STS: variants seen among roughly 807,000 people sequenced by gnomAD.
STS encodes steryl-sulfatase.
In STS, 7 loss-of-function variants were observed where a neutral mutation model predicts 26.8. The observed-to-expected ratio is 0.26, with a 90% CI of 0.15 to 0.49. STS has a LOEUF of 0.49. Ranked by LOEUF, STS falls within the 20% of genes least tolerant of loss-of-function variation. The pLI is 0.98. For synonymous variants in STS, 199 were observed against 189.4 expected (o/e 1.05, Z -0.42); for missense variants, 434 against 465.6 (o/e 0.93, Z 0.63).
At chrX:7,322,396 C>G (rs766561886) in intron 8 of STS, among the ~76,000 whole-genome samples, 34 of 111,734 alleles carry the variant, frequency 3.0e-4, no homozygotes, top group Non-Finnish European at 5.7e-4. Flanking sequence ...CAGATTCTCT[C>G]TCTCTCTCTC....
chrX:7,345,603 T>C (rs1238814752), intron 10 of STS, among the ~76,000 whole-genome samples: 1 of 111,257 alleles, frequency 9.0e-6, no homozygotes, highest in Non-Finnish European at 1.9e-5. Context: ...CTGTTAAGAA[T>C]CCTTCGTTAT....
At chrX:7,204,978 T>C (rs764137053) in intron 2 of STS, among the ~76,000 whole-genome samples, 7 of 111,476 alleles carry the variant, frequency 6.3e-5, no homozygotes, top group Non-Finnish European at 1.3e-4. Context: ...GTCATGATTG[T>C]TTTGCTGACC....
intron 7 of STS, among the ~76,000 whole-genome samples, chrX:7,296,773 G>C (rs1239384292): frequency 8.9e-6 from 1 of 112,277 alleles, no homozygotes; most frequent in African/African-American, 3.2e-5. Context: ...ATCCGTGAAG[G>C]CATCCCAGAT....
rs759887242 is a variant in STS at position 7,214,982 on chromosome X, A to G, written c.-5+23974A>G. On this transcript the variant is annotated intron_variant, in intron 2 of 10. Transcript: ENST00000674429. ...ATATATATTATATATGTATATATACATATATATACGTATATATACATATAT... is the reference window on the plus strand; with the variant it reads ...ATATATATTATATATGTATATATACGTATATATACGTATATATACATATAT... 1.3e-4 allele frequency among the ~76,000 whole-genome samples: 5 copies of G among 39,322 alleles called. No homozygotes were observed. The South Asian group carries it at 2.4e-3, about 19-fold the overall frequency. 34.1% of individuals were successfully genotyped at this position (39,322 alleles called of 115,157 possible).
intron 4 of STS, 40 bp downstream of exon 4, chrX:7,257,403 C>T (rs776067214): frequency 2.9e-5 from 35 of 1,210,652 alleles, no homozygotes; most frequent in East Asian, 2.7e-4. Context: ...TGGTCACCTT[C>T]GGGACAGTCT....
chrX:7,269,358 A>G (rs1447122044), intron 6 of STS, among the ~76,000 whole-genome samples: 1 of 103,441 alleles, frequency 9.7e-6, no homozygotes. Flanking sequence ...ACATTTCTGT[A>G]TCTCTGAATA....
chrX:7,275,896 A>G, intron 6 of STS, 55 bp from the exon 7 acceptor site: 1 of 1,139,328 alleles, frequency 8.8e-7, no homozygotes, highest in Non-Finnish European at 1.2e-6. Context: ...TGGCAGACAT[A>G]CTTAACATTA....
At chrX:7,198,637 A>G (rs941333503) in intron 2 of STS, among the ~76,000 whole-genome samples, 10 of 112,364 alleles carry the variant, frequency 8.9e-5, no homozygotes, top group African/African-American at 3.2e-4. Context: ...TCCTGTAGTT[A>G]GCTCAGTCTG....
At position 7,172,023 on chromosome X, in the gene STS, A is replaced by G. The variant is rs767533200; in HGVS notation, c.-133-18857A>G. Among the ~76,000 whole-genome samples the G allele has an allele frequency of 4.5e-5, 5 of 112,020 alleles. No individual in the cohort carries two copies. The South Asian group carries it at 1.9e-3, about 42-fold the overall frequency. On this transcript the variant is annotated intron_variant, in intron 1 of 10. Coordinates refer to ENST00000674429, the MANE Select transcript of STS (RefSeq NM_001320752.2). ...GATCATCACCATAAATGAGTTTGGG[A>G]ATATTCTCATCACCCAAGTGAGATT... is the stretch of plus-strand genomic sequence containing the variant.
At chrX:7,231,834 C>CTTTTTTT (rs35306364) in intron 2 of STS, among the ~76,000 whole-genome samples, 2 of 87,123 alleles carry the variant, frequency 2.3e-5, no homozygotes, top group Non-Finnish European at 4.5e-5. Context: ...AATAAATCTG[C>CTTTTTTT]TTTTTTTTTT....
chrX:7,211,850 C>A (rs1921044361), intron 2 of STS, among the ~76,000 whole-genome samples: 1 of 111,545 alleles, frequency 9.0e-6, no homozygotes, highest in African/African-American at 3.3e-5. Context: ...CAGAGTCATC[C>A]CTGCCCTGCC....
At chrX:7,170,120 G>A (rs1809391385) in intron 1 of STS, among the ~76,000 whole-genome samples, 1 of 111,752 alleles carries the variant, frequency 8.9e-6, no homozygotes, top group South Asian at 3.7e-4. Context: ...GGGTCTTGTT[G>A]TAGAATAATA....
Position 7,350,257 on chromosome X carries a change from G to A in STS, c.1733G>A (p.Arg578His), listed in dbSNP as rs753467738. Residue 578 changes from arginine (R) to histidine (H), a missense_variant, in exon 11 of 11, where the codon CGC (arginine) becomes CAC (histidine). By Grantham distance (29) the Arg-to-His change is conservative. Transcript: ENST00000674429. ...DREKQDKRLSR is the reference protein window; with the variant it reads ...DREKQDKRLSH Reference sequence around the variant, plus strand: ...GAAAAACAGGATAAGAGACTGAGCCGCTAGCAGCGCCTGGGGACCAGACAG... The same window carrying A: ...GAAAAACAGGATAAGAGACTGAGCCACTAGCAGCGCCTGGGGACCAGACAG... The A allele has an allele frequency of 3.0e-5, 36 of 1,205,122 alleles. No individual in the cohort carries two copies. The Admixed American group carries it at 7.3e-4, about 24-fold the overall frequency.
chrX:7,350,485 T>C lies in STS; in HGVS notation c.*224T>C, dbSNP rs1266219214. On this transcript the variant is annotated 3_prime_UTR_variant, in exon 11 of 11. Transcript: ENST00000674429. ...TACAGACAGGAAGATGGTAGGTTTATGCCTTCTGTGGCCAGAGTCTTGGAC... is the reference window on the plus strand; with the variant it reads ...TACAGACAGGAAGATGGTAGGTTTACGCCTTCTGTGGCCAGAGTCTTGGAC... 3 of 453,144 alleles carry C rather than the reference T, an allele frequency of 6.6e-6. No individual in the cohort carries two copies. The highest frequency in any genetic ancestry group is 1.1e-5 in the Non-Finnish European group (3 of 268,345). The allele number at this position is 453,144 out of a possible 1,213,427, so 37.3% of individuals were successfully genotyped here.
intron 1 of STS, among the ~76,000 whole-genome samples, chrX:7,185,055 G>A (rs1457346406): frequency 8.9e-6 from 1 of 112,115 alleles, no homozygotes; most frequent in African/African-American, 3.2e-5. Flanking sequence ...AGTCTGAGTT[G>A]GCCACGTGTT....
chrX:7,243,617 AAAAC>A (rs1449353731), intron 2 of STS, among the ~76,000 whole-genome samples: 4 of 112,074 alleles, frequency 3.6e-5, no homozygotes, highest in South Asian at 3.7e-4. Flanking sequence ...AGCTGTAACA[AAAAC>A]AAACAGAGAC....
At chrX:7,336,039 G>A (rs1424074403) in intron 10 of STS, among the ~76,000 whole-genome samples, 1 of 111,754 alleles carries the variant, frequency 8.9e-6, no homozygotes, top group African/African-American at 3.3e-5. Context: ...AAGTCAGGTA[G>A]CGTGAAACTT....
At chrX:7,276,189 A>G (rs762290772) in intron 7 of STS, 102 bp downstream of exon 7, 36 of 1,055,021 alleles carry the variant, frequency 3.4e-5, no homozygotes, top group Middle Eastern at 6.6e-4. Flanking sequence ...GCCTTTAGAG[A>G]CAGCAAATGT....
chrX:7,265,650 G>A (rs1923970662), intron 6 of STS, among the ~76,000 whole-genome samples: 1 of 111,945 alleles, frequency 8.9e-6, no homozygotes, highest in Non-Finnish European at 1.9e-5. Flanking sequence ...TTTAAAATAG[G>A]TGATTCTAGT....
Sources: allele counts gnomAD v4.1 joint callset (sites outside exome capture counted in the v4.1 genomes callset), GRCh38; gene constraint gnomAD v4.1.1; transcripts MANE v1.5; gene names NCBI Gene and HGNC (gene_info 2026-07-23, HGNC 2026-07-21).